The following ADGRE1 variants were observed in gnomAD, a reference collection of about 807,000 sequenced individuals.
ADGRE1 encodes the protein adhesion G protein-coupled receptor E1, also known as EGF-like module receptor 1.
In ADGRE1, 82 loss-of-function variants were observed where a neutral mutation model predicts 102.7. The observed-to-expected ratio is 0.80, with a 90% CI of 0.67 to 0.96. ADGRE1 has a LOEUF of 0.96. Among genes scored for constraint, ADGRE1 ranks in the 40% least tolerant of loss-of-function variants. The pLI, the probability that ADGRE1 is intolerant of heterozygous loss-of-function variation, is 0.00. For synonymous variants in ADGRE1, 398 were observed against 399.6 expected, an observed-to-expected ratio of 1.00 and a Z score of 0.05; for missense variants, 1,032 against 1,085.3, an observed-to-expected ratio of 0.95 and a Z score of 0.69.
chr19:6,906,047 A>G (rs1275869712), intron 8 of ADGRE1, among the ~76,000 whole-genome samples: 3 of 152,216 alleles, frequency 2.0e-5, no homozygotes, highest in Non-Finnish European at 4.4e-5. Flanking sequence ...ACATATGACT[A>G]TAGATGTATG....
At position 6,896,770 on chromosome 19, in the gene ADGRE1, T is replaced by TCC; in HGVS notation, c.238+229_238+230insCC. 1.9e-5 allele frequency: 10 copies of TCC among 522,870 alleles called. No homozygotes were observed. The South Asian group carries it at 2.1e-4, about 11-fold the overall frequency. The allele number at this position is 522,870 out of a possible 1,614,324, so 32.4% of individuals were successfully genotyped here. On this transcript the variant is annotated intron_variant, in intron 3 of 20. Transcript: ENST00000312053. ...GCTAGTGTTGCTAGCAAACATGATT[T>TCC]TCTTCCTTCCTTCCTTCCTTCCTTG...
chr19:6,936,071 A>G (rs1975389834), intron 18 of ADGRE1, among the ~76,000 whole-genome samples: 1 of 152,204 alleles, frequency 6.6e-6, no homozygotes, highest in African/African-American at 2.4e-5. Flanking sequence ...ACCTAATAAC[A>G]TTCTTTGCTT....
rs28515162 is a variant in ADGRE1 at position 6,898,658 on chromosome 19, A to G, written c.514+1111A>G. On this transcript the variant is annotated intron_variant, in intron 5 of 20. Coordinates refer to ENST00000312053, the MANE Select transcript of ADGRE1 (RefSeq NM_001974.5). ...TGTGTCAACTCCATGGGAAGCTACA[A>G]TTGCAGCTGTCAAGTTGGATTCATC... 5.0e-3 allele frequency: 6,469 copies of G among 1,288,022 alleles called. 256 individuals carry two copies. In the African/African-American group the frequency reaches 0.085, roughly 17 times the overall value. 79.8% of individuals were successfully genotyped at this position (1,288,022 alleles called of 1,614,324 possible).
In ADGRE1 at chr19:6,909,832, T is replaced by G. The variant is rs10460204; in HGVS notation, c.1122+1060T>G. Among the ~76,000 whole-genome samples the G allele has an allele frequency of 2.0e-5, 3 of 152,266 alleles. No individual in the cohort carries two copies. The East Asian group carries it at 5.8e-4, about 29-fold the overall frequency. On this transcript the variant is annotated intron_variant, in intron 10 of 20. Transcript: ENST00000312053. Reference sequence around the variant, plus strand: ...TCACCGCAACCTCCACCTCCCAGGTTCAAGCGATTCTCCTGCCTCAGCCTC... The same window carrying G: ...TCACCGCAACCTCCACCTCCCAGGTGCAAGCGATTCTCCTGCCTCAGCCTC...
At chr19:6,908,087 G>C (rs1416859844) in intron 9 of ADGRE1, among the ~76,000 whole-genome samples, 1 of 152,240 alleles carries the variant, frequency 6.6e-6, no homozygotes, top group Non-Finnish European at 1.5e-5. Flanking sequence ...AGGAACACCT[G>C]CCCAGCCCAG....
intron 5 of ADGRE1, among the ~76,000 whole-genome samples, chr19:6,901,551 A>G (rs1354308934): frequency 2.6e-5 from 4 of 152,240 alleles, no homozygotes; most frequent in Non-Finnish European, 4.4e-5. Context: ...ATCTCTTACA[A>G]TCTACATCTT....
chr19:6,937,417 T>C lies in ADGRE1; in HGVS notation c.2550+6T>C, dbSNP rs1326564685. 2.5e-5 allele frequency: 41 copies of C among 1,612,178 alleles called. No individual in the cohort carries two copies. Among genetic ancestry groups the C allele is most frequent in the Non-Finnish European group, 3.3e-5 (39 of 1,179,440 alleles). On this transcript the variant is annotated splice_donor_region_variant and intron_variant, in intron 19 of 20. Coordinates refer to ENST00000312053, the MANE Select transcript of ADGRE1 (RefSeq NM_001974.5). ...ACTGTCTGCTCAACGGCCAGGTGTG[T>C]AGCTGCTGCCCTCCCCATCCCCCTC...
chr19:6,940,260 T>C lies in ADGRE1; in HGVS notation c.*231T>C. The C allele has an allele frequency of 1.7e-6, 1 of 591,880 alleles. No homozygotes were observed. Among genetic ancestry groups the C allele is most frequent in the East Asian group, 2.8e-5 (1 of 35,482 alleles). The allele number at this position is 591,880 out of a possible 1,614,324, so 36.7% of individuals were successfully genotyped here. A position where few individuals can be genotyped will look rare whatever the true frequency, so the allele number is the denominator to read the frequency against. On this transcript the variant is annotated 3_prime_UTR_variant, in exon 21 of 21. Coordinates refer to ENST00000312053, the MANE Select transcript of ADGRE1 (RefSeq NM_001974.5). ...CATTTTATCTTCGTGCTCTGCAACTTCTTCAATTCCAGAGTTTCTGAGAAC... is the reference window on the plus strand; with the variant it reads ...CATTTTATCTTCGTGCTCTGCAACTCCTTCAATTCCAGAGTTTCTGAGAAC...
At chr19:6,902,048 C>T (rs981495623) in intron 6 of ADGRE1, 27 bp downstream of exon 6, 2 of 1,613,664 alleles carry the variant, frequency 1.2e-6, no homozygotes. Flanking sequence ...TCTGAGAAGT[C>T]AGGTCCAAGT....
chr19:6,896,420 C>G lies in ADGRE1; in HGVS notation c.117C>G (p.Thr39=). The G allele has an allele frequency of 6.2e-7, 1 of 1,614,106 alleles. No individual in the cohort carries two copies. The highest frequency in any genetic ancestry group is 8.5e-7 in the Non-Finnish European group (1 of 1,179,976). The change falls in exon 3 of 21, where the codon ACC becomes ACG. Residue 39 remains threonine, a synonymous_variant. Transcript: ENST00000312053. Reference sequence around the variant, plus strand: ...TAGGTAATAACTGTAGAGACAGTACCTTGTGCCCAGCTTATGCCACCTGCA... The same window carrying G: ...TAGGTAATAACTGTAGAGACAGTACGTTGTGCCCAGCTTATGCCACCTGCA... ...NTKGNNCRDS[T]LCPAYATCTN...
rs935396396 is a variant in ADGRE1, at chr19:6,928,447, G to A, written c.2289+236G>A. ...TCGAGAACAGTCTGGCCAACTTGGC[G>A]AAACCCCATCTCTGCTAAAAATACA... On this transcript the variant is annotated intron_variant, in intron 17 of 20. Transcript: ENST00000312053. 2.4e-5 allele frequency: 23 copies of A among 967,138 alleles called. No individual in the cohort carries two copies. The East Asian group carries it at 4.1e-4, about 17-fold the overall frequency. 59.9% of individuals were successfully genotyped at this position (967,138 alleles called of 1,614,324 possible).
chr19:6,887,747 C>A, intron 1 of ADGRE1, 108 bp downstream of exon 1: 3 of 1,204,588 alleles, frequency 2.5e-6, no homozygotes, highest in Admixed American at 2.4e-5. Context: ...TAAGTCCAGA[C>A]TGGATGCTGC....
chr19:6,907,196 C>A (rs1336335544), intron 9 of ADGRE1, among the ~76,000 whole-genome samples: 1 of 152,148 alleles, frequency 6.6e-6, no homozygotes, highest in Non-Finnish European at 1.5e-5. Flanking sequence ...TCCCACATGC[C>A]TTGGACCACT....
intron 8 of ADGRE1, among the ~76,000 whole-genome samples, chr19:6,905,516 C>A (rs1973921362): frequency 1.3e-5 from 2 of 152,006 alleles, no homozygotes; most frequent in African/African-American, 4.8e-5. Context: ...CCACACCCAG[C>A]TAATTTTTGT....
chr19:6,934,600 ATTTT>A (rs71177133), intron 17 of ADGRE1, among the ~76,000 whole-genome samples: 17 of 84,048 alleles, frequency 2.0e-4, no homozygotes, highest in African/African-American at 4.0e-4. Context: ...TAATTTTTGT[ATTTT>A]TTTTTTTTTT....
In ADGRE1 at chr19:6,926,621, T is replaced by G; in HGVS notation, c.2222+20T>G. The G allele has an allele frequency of 6.2e-6, 10 of 1,611,472 alleles. No homozygotes were observed. The highest frequency in any genetic ancestry group is 1.1e-5 in the South Asian group (1 of 91,002). On this transcript the variant is annotated intron_variant, in intron 16 of 20. Transcript: ENST00000312053. ...TAATCGGTGAGTGACATCCTCTCTC[T>G]TCCTGAAGACCCTGCTGCCAGGGCT...
chr19:6,936,967 A>G (rs944982131), intron 18 of ADGRE1, among the ~76,000 whole-genome samples: 1 of 152,164 alleles, frequency 6.6e-6, no homozygotes, highest in Non-Finnish European at 1.5e-5. Context: ...CATGTTGGCC[A>G]GGCTGGTCTC....
chr19:6,922,004 G>A (rs537564366), intron 14 of ADGRE1, 121 bp downstream of exon 14: 35 of 1,115,482 alleles, frequency 3.1e-5, no homozygotes, highest in Middle Eastern at 3.2e-4. Flanking sequence ...ATGGAGTCAC[G>A]GGGACAGAAG....
chr19:6,932,304 T>G (rs1975189746), intron 17 of ADGRE1, among the ~76,000 whole-genome samples: 3 of 151,654 alleles, frequency 2.0e-5, no homozygotes, highest in Admixed American at 2.0e-4. Flanking sequence ...CCGTCTCCAC[T>G]AAAAATACAA....
Sources: allele counts gnomAD v4.1 joint callset (sites outside exome capture counted in the v4.1 genomes callset), GRCh38; gene constraint gnomAD v4.1.1; transcripts MANE v1.5; gene names NCBI Gene and HGNC (gene_info 2026-07-23, HGNC 2026-07-21).